Variants in KSR2 observed in about 807,000 individuals in gnomAD.
KSR2 encodes kinase suppressor of ras 2.
In KSR2, 25 loss-of-function variants were observed where a neutral mutation model predicts 107.8. That is an observed-to-expected ratio of 0.23 (90% CI 0.17 to 0.32). The LOEUF is 0.32. Among genes scored for constraint, KSR2 ranks in the 10% least tolerant of loss-of-function variants. The pLI is 1.00. For synonymous variants in KSR2, 480 were observed against 507.0 expected, an observed-to-expected ratio of 0.95 and a Z score of 0.71; for missense variants, 887 against 1,268.9, an observed-to-expected ratio of 0.70 and a Z score of 4.57.
rs1230878451 is a variant in KSR2 at position 117,947,186 on chromosome 12, GAAAAGAAAGA to G, written c.180+20880_180+20889del. ...CTGTCAAAAGAAAGAAAGAAAGAAA[GAAAAGAAAGA>G]AAAGAAAGAAAAGAAAGAAAGAAAG... On this transcript the variant is annotated intron_variant, in intron 1 of 19. Transcript: ENST00000339824. Among the ~76,000 whole-genome samples, 22 of 99,242 alleles carry G rather than the reference GAAAAGAAAGA, an allele frequency of 2.2e-4. 1 individual carries two copies. Among genetic ancestry groups the G allele is most frequent in the South Asian group, 3.5e-4 (1 of 2,860 alleles). 65.1% of individuals were successfully genotyped at this position (99,242 alleles called of 152,430 possible).
chr12:117,916,412 C>A (rs1895177306), intron 1 of KSR2, among the ~76,000 whole-genome samples: 1 of 152,196 alleles, frequency 6.6e-6, no homozygotes, highest in Non-Finnish European at 1.5e-5. Flanking sequence ...GCTGGGAATA[C>A]AGGCATGAGC....
At chr12:117,788,832 G>A (rs1337863284) in intron 3 of KSR2, among the ~76,000 whole-genome samples, 1 of 152,146 alleles carries the variant, frequency 6.6e-6, no homozygotes, top group Non-Finnish European at 1.5e-5. Context: ...CATTTCAAAT[G>A]ACCTGGACTA....
Position 117,737,585 on chromosome 12 carries a change from C to A in KSR2, c.986+23426G>T, listed in dbSNP as rs1887993432. 3.3e-5 allele frequency among the ~76,000 whole-genome samples: 5 copies of A among 152,042 alleles called. No homozygotes were observed. The South Asian group carries it at 1.0e-3, about 32-fold the overall frequency. On this transcript the variant is annotated intron_variant, in intron 4 of 19. Coordinates refer to ENST00000339824, the MANE Select transcript of KSR2 (RefSeq NM_173598.6). ...ATCACTTGAGGTCAGGAGTTTGAGA[C>A]CAGCTTGGGCAACATGGTGAAACCC...
chr12:117,793,592 CACAT>C (rs1156933384), intron 3 of KSR2, among the ~76,000 whole-genome samples: 2 of 145,346 alleles, frequency 1.4e-5, no homozygotes, highest in South Asian at 2.2e-4. Flanking sequence ...CCAATATGCA[CACAT>C]ACACCAACAT....
At chr12:117,757,288 A>T (rs148997756) in intron 4 of KSR2, among the ~76,000 whole-genome samples, 1 of 152,318 alleles carries the variant, frequency 6.6e-6, no homozygotes, top group East Asian at 1.9e-4. Flanking sequence ...TGAAGATATA[A>T]CTGAATTGTT....
chr12:117,748,439 T>C (rs868768757), intron 4 of KSR2, among the ~76,000 whole-genome samples: 5 of 152,278 alleles, frequency 3.3e-5, no homozygotes, highest in Middle Eastern at 6.8e-3. Flanking sequence ...AGAGTAAATT[T>C]GAAATACTCT....
intron 7 of KSR2, among the ~76,000 whole-genome samples, chr12:117,574,887 T>C (rs1398284942): frequency 9.7e-6 from 1 of 103,016 alleles, no homozygotes; most frequent in Non-Finnish European, 1.9e-5. Flanking sequence ...GGATTTGCTC[T>C]GGGTGAAAAA....
intron 1 of KSR2, among the ~76,000 whole-genome samples, chr12:117,862,390 G>C (rs1893330372): frequency 6.6e-6 from 1 of 152,150 alleles, no homozygotes; most frequent in South Asian, 2.1e-4. Flanking sequence ...GGAGGGCCAG[G>C]TGCCGTGGCT....
chr12:117,691,676 ACTAT>A (rs1885820736), intron 4 of KSR2, among the ~76,000 whole-genome samples: 2 of 152,242 alleles, frequency 1.3e-5, no homozygotes, highest in Non-Finnish European at 2.9e-5. Context: ...TGGCTCCAGC[ACTAT>A]CTACAGCATC....
intron 1 of KSR2, among the ~76,000 whole-genome samples, chr12:117,878,292 C>T (rs567068278): frequency 6.6e-6 from 1 of 151,680 alleles, no homozygotes; most frequent in South Asian, 2.1e-4. Context: ...AAAGCCAATC[C>T]GCCTAAATTC....
chr12:117,874,381 T>C (rs925383572), intron 1 of KSR2, among the ~76,000 whole-genome samples: 6 of 152,104 alleles, frequency 3.9e-5, no homozygotes, highest in African/African-American at 1.2e-4. Context: ...CACAAGCGTG[T>C]GTCACCACAC....
intron 4 of KSR2, among the ~76,000 whole-genome samples, chr12:117,704,072 A>G (rs1449923677): frequency 6.6e-6 from 1 of 152,082 alleles, no homozygotes; most frequent in Non-Finnish European, 1.5e-5. Flanking sequence ...TAGAAGACCT[A>G]TAATCTTCAA....
intron 4 of KSR2, among the ~76,000 whole-genome samples, chr12:117,686,230 T>G (rs1885570358): frequency 6.9e-6 from 1 of 144,106 alleles, no homozygotes; most frequent in Admixed American, 6.9e-5. Flanking sequence ...TTTTTTTTTT[T>G]TTTTTTTTTT....
At chr12:117,572,246 A>G (rs1878940834) in intron 7 of KSR2, among the ~76,000 whole-genome samples, 1 of 152,170 alleles carries the variant, frequency 6.6e-6, no homozygotes, top group African/African-American at 2.4e-5. Context: ...CCAGCAGAGT[A>G]CCCTGATGTG....
At chr12:117,849,426 G>A (rs1385058631) in intron 3 of KSR2, among the ~76,000 whole-genome samples, 1 of 152,168 alleles carries the variant, frequency 6.6e-6, no homozygotes, top group Non-Finnish European at 1.5e-5. Flanking sequence ...GTGAATAATG[G>A]TTTTTTGGTT....
At chr12:117,511,751 C>G (rs1874037036) in intron 14 of KSR2, among the ~76,000 whole-genome samples, 1 of 152,104 alleles carries the variant, frequency 6.6e-6, no homozygotes, top group Admixed American at 6.5e-5. Flanking sequence ...CCCAAGTGAC[C>G]AACTTCCCTT....
chr12:117,829,535 C>T (rs1395512218), intron 3 of KSR2, among the ~76,000 whole-genome samples: 1 of 152,214 alleles, frequency 6.6e-6, no homozygotes, highest in Admixed American at 6.5e-5. Context: ...GTTCCCAAAA[C>T]ACTTGATGAA....
intron 5 of KSR2, among the ~76,000 whole-genome samples, chr12:117,629,121 C>G (rs144485685): frequency 0.025 from 3,879 of 152,302 alleles, 57 homozygotes; most frequent in Non-Finnish European, 0.038. Context: ...CTTCCCTTGG[C>G]TAGGAAAGGG....
intron 9 of KSR2, among the ~76,000 whole-genome samples, chr12:117,540,897 A>G (rs1230739684): frequency 2.0e-5 from 3 of 152,252 alleles, no homozygotes; most frequent in Non-Finnish European, 4.4e-5. Flanking sequence ...CTTTTGTTAC[A>G]GCAGCACCAG....
Sources: allele counts gnomAD v4.1 joint callset (sites outside exome capture counted in the v4.1 genomes callset), GRCh38; gene constraint gnomAD v4.1.1; transcripts MANE v1.5; gene names NCBI Gene and HGNC (gene_info 2026-07-23, HGNC 2026-07-21).